The following ENOPH1 variants were observed in gnomAD, a reference collection of about 807,000 sequenced individuals.
ENOPH1 encodes the protein enolase-phosphatase E1.
Under a neutral mutation model 31.1 loss-of-function variants are expected in ENOPH1, and 14 were observed. The ratio of observed to expected loss-of-function variants is 0.45; its 90% CI spans 0.30 to 0.70. ENOPH1 has a LOEUF of 0.70. ENOPH1 is among the 30% of genes least tolerant of loss of function. The probability of loss-of-function intolerance (pLI) is 0.09; values close to 1 mark genes in which losing one functional copy is unlikely to be tolerated. For missense variants in ENOPH1, 243 were observed against 321.5 expected, an observed-to-expected ratio of 0.76 and a Z score of 1.87; for synonymous variants, 127 against 123.2, an observed-to-expected ratio of 1.03 and a Z score of -0.21.
At chr4:82,432,790 C>T (rs1247122968) in intron 1 of ENOPH1, among the ~76,000 whole-genome samples, 2 of 152,076 alleles carry the variant, frequency 1.3e-5, no homozygotes, top group Non-Finnish European at 2.9e-5. Flanking sequence ...CAGACGCGCA[C>T]CACCACGCCC....
At chr4:82,435,056 A>G (rs1721872826) in intron 1 of ENOPH1, among the ~76,000 whole-genome samples, 1 of 152,160 alleles carries the variant, frequency 6.6e-6, no homozygotes, top group African/African-American at 2.4e-5. Context: ...CACCGCCACC[A>G]TCCCTGCACT....
Position 82,437,600 on chromosome 4 carries a change from C to T in ENOPH1, c.84+6687C>T, listed in dbSNP as rs553840091. On this transcript the variant is annotated intron_variant, in intron 1 of 5. Transcript: ENST00000273920. ...GTGGGAATATGGAAGTAAGAGCTACCTCTTCTTGTAAAGGACCTATTTAAG... is the reference window on the plus strand; with the variant it reads ...GTGGGAATATGGAAGTAAGAGCTACTTCTTCTTGTAAAGGACCTATTTAAG... 9.2e-5 allele frequency among the ~76,000 whole-genome samples: 14 copies of T among 152,268 alleles called. No individual in the cohort carries two copies. The East Asian group carries it at 2.3e-3, about 25-fold the overall frequency.
intron 2 of ENOPH1, 79 bp from the exon 3 acceptor site, chr4:82,450,964 C>T (rs2110044913): frequency 1.7e-6 from 2 of 1,203,340 alleles, no homozygotes; most frequent in Non-Finnish European, 2.4e-6. Flanking sequence ...AGTTGTTCTG[C>T]TGGGTTTTTG....
rs942460863 is a variant in ENOPH1 at position 82,430,719 on chromosome 4, T to C, written c.-111T>C. 4.1e-6 allele frequency: 4 copies of C among 980,218 alleles called. No individual in the cohort carries two copies. The highest frequency in any genetic ancestry group is 6.2e-6 in the Non-Finnish European group (4 of 643,484). The allele number at this position is 980,218 out of a possible 1,614,324, so 60.7% of individuals were successfully genotyped here. A position where few individuals can be genotyped will look rare whatever the true frequency, so the allele number is the denominator to read the frequency against. ...CTGCACTTGGTCGCTGGCTCCGAGA[T>C]CGCGCGGGGCCGCCGGAAGCCCAAG... On this transcript the variant is annotated 5_prime_UTR_variant, in exon 1 of 6. Transcript: ENST00000273920.
At chr4:82,457,424 G>A (rs1463140251) in intron 5 of ENOPH1, among the ~76,000 whole-genome samples, 1 of 152,158 alleles carries the variant, frequency 6.6e-6, no homozygotes, top group Non-Finnish European at 1.5e-5. Flanking sequence ...TGAGGCAGGG[G>A]CATCAGGTGA....
At chr4:82,434,384 G>A (rs959996516) in intron 1 of ENOPH1, among the ~76,000 whole-genome samples, 1 of 152,160 alleles carries the variant, frequency 6.6e-6, no homozygotes, top group Non-Finnish European at 1.5e-5. Context: ...AGGAGTTCGA[G>A]GCCAGCCTGG....
At chr4:82,437,255 C>T (rs558828051) in intron 1 of ENOPH1, among the ~76,000 whole-genome samples, 80 of 152,274 alleles carry the variant, frequency 5.3e-4, no homozygotes, top group African/African-American at 1.7e-3. Flanking sequence ...TGGTAGGGAT[C>T]CAGAGTCCTT....
chr4:82,442,678 G>A (rs563965989), intron 1 of ENOPH1, among the ~76,000 whole-genome samples: 2 of 152,232 alleles, frequency 1.3e-5, no homozygotes, highest in South Asian at 4.1e-4. Flanking sequence ...GAGAACCTTT[G>A]TAAACATTTA....
chr4:82,458,212 T>A (rs189654125), intron 5 of ENOPH1, among the ~76,000 whole-genome samples: 32 of 152,270 alleles, frequency 2.1e-4, no homozygotes, highest in African/African-American at 7.7e-4. Flanking sequence ...ACTAAGTTAA[T>A]ATCCCAAATA....
chr4:82,453,003 G>A (rs1408075613), intron 3 of ENOPH1, among the ~76,000 whole-genome samples: 1 of 150,150 alleles, frequency 6.7e-6, no homozygotes, highest in Non-Finnish European at 1.5e-5. Flanking sequence ...CTGGGTTCAC[G>A]CCATTCTCCT....
intron 1 of ENOPH1, among the ~76,000 whole-genome samples, chr4:82,439,490 G>A (rs1721988507): frequency 6.6e-6 from 1 of 152,146 alleles, no homozygotes; most frequent in Non-Finnish European, 1.5e-5. Flanking sequence ...AGTTCAGGAA[G>A]GTAATTAGAT....
At chr4:82,444,260 C>T (rs995616135) in intron 1 of ENOPH1, among the ~76,000 whole-genome samples, 5 of 151,110 alleles carry the variant, frequency 3.3e-5, no homozygotes, top group African/African-American at 1.2e-4. Flanking sequence ...CTCACTCTCT[C>T]ACCTAGGCTG....
intron 3 of ENOPH1, among the ~76,000 whole-genome samples, chr4:82,454,374 C>A (rs1027109647): frequency 6.6e-6 from 1 of 152,166 alleles, no homozygotes; most frequent in Non-Finnish European, 1.5e-5. Flanking sequence ...TGAAGAACAT[C>A]AAAGATTATA....
chr4:82,459,466 A>G (rs150027219), intron 5 of ENOPH1, among the ~76,000 whole-genome samples: 9 of 151,996 alleles, frequency 5.9e-5, no homozygotes, highest in Admixed American at 1.3e-4. Flanking sequence ...TAATTTTTGT[A>G]TTGTTTTGTA....
At chr4:82,453,604 C>T (rs1203079010) in intron 3 of ENOPH1, among the ~76,000 whole-genome samples, 1 of 152,206 alleles carries the variant, frequency 6.6e-6, no homozygotes, top group Non-Finnish European at 1.5e-5. Context: ...CTCTTTCCTT[C>T]AATTAGTGCA....
chr4:82,445,154 G>T (rs186910421), intron 1 of ENOPH1, among the ~76,000 whole-genome samples: 13 of 152,266 alleles, frequency 8.5e-5, no homozygotes, highest in African/African-American at 2.9e-4. Context: ...CTTGAGTCCA[G>T]GAGTTCAAGA....
intron 2 of ENOPH1, among the ~76,000 whole-genome samples, chr4:82,449,290 C>T (rs1372122159): frequency 6.6e-6 from 1 of 152,142 alleles, no homozygotes; most frequent in East Asian, 1.9e-4. Context: ...TGAGCAGTCT[C>T]TACATTTTTT....
intron 1 of ENOPH1, among the ~76,000 whole-genome samples, chr4:82,433,052 T>G (rs1721816712): frequency 6.6e-6 from 1 of 152,238 alleles, no homozygotes; most frequent in Non-Finnish European, 1.5e-5. Flanking sequence ...GTCCTCATTT[T>G]TGTAATTTAT....
intron 4 of ENOPH1, 97 bp from the exon 5 acceptor site, chr4:82,456,818 G>A (rs1221749930): frequency 3.3e-5 from 47 of 1,440,818 alleles, no homozygotes; most frequent in East Asian, 1.6e-4. Context: ...AATACTGAAC[G>A]AATGAAGTAA....
Sources: allele counts gnomAD v4.1 joint callset (sites outside exome capture counted in the v4.1 genomes callset), GRCh38; gene constraint gnomAD v4.1.1; transcripts MANE v1.5; gene names NCBI Gene and HGNC (gene_info 2026-07-23, HGNC 2026-07-21).